INVS: variants seen among roughly 807,000 people sequenced by gnomAD.
INVS encodes the protein inversin, also known as inversion of embryo turning homolog.
A neutral mutation model predicts 108.8 loss-of-function variants in INVS; 86 were observed. The observed-to-expected ratio is 0.79, with a 90% CI of 0.66 to 0.95. The LOEUF (loss-of-function observed/expected upper bound fraction) is 0.95. Among genes scored for constraint, INVS ranks in the 40% least tolerant of loss-of-function variants. INVS has a pLI of 0.00. For synonymous variants in INVS, 455 were observed against 473.5 expected (o/e 0.96, Z 0.51); for missense variants, 1,169 against 1,297.4 (o/e 0.90, Z 1.52).
At chr9:100,205,007 C>T (rs1243651865) in intron 3 of INVS, among the ~76,000 whole-genome samples, 1 of 152,098 alleles carries the variant, frequency 6.6e-6, no homozygotes, top group African/African-American at 2.4e-5. Context: ...CTTAGGAATG[C>T]TTCCTTTCAT....
chr9:100,149,103 G>A (rs1828723245), intron 3 of INVS, among the ~76,000 whole-genome samples: 1 of 150,790 alleles, frequency 6.6e-6, no homozygotes, highest in Non-Finnish European at 1.5e-5. Context: ...GCTTTAGTTA[G>A]TTAAACATTT....
intron 3 of INVS, among the ~76,000 whole-genome samples, chr9:100,141,995 G>T (rs1013131707): frequency 6.6e-6 from 1 of 152,154 alleles, no homozygotes; most frequent in Non-Finnish European, 1.5e-5. Flanking sequence ...AGTGACTGAC[G>T]TGAAGGAGAA....
rs928022377 is a variant in INVS, at chr9:100,153,576, C to T, written c.273+27027C>T. ...AAAACTGTAGGGAAATGAGCATTCA[C>T]ATATCCCTGAAGGAAATGGAAATGG... On this transcript the variant is annotated intron_variant, in intron 3 of 16. Coordinates refer to ENST00000262457, the MANE Select transcript of INVS (RefSeq NM_014425.5). 4.6e-5 allele frequency among the ~76,000 whole-genome samples: 7 copies of T among 152,296 alleles called. No homozygotes were observed. The East Asian group carries it at 9.6e-4, about 21-fold the overall frequency.
chr9:100,221,919 GAT>G (rs1282941079), intron 3 of INVS, among the ~76,000 whole-genome samples: 4 of 151,732 alleles, frequency 2.6e-5, no homozygotes, highest in African/African-American at 9.7e-5. Flanking sequence ...CTTTACCATA[GAT>G]ATGTGTGTAT....
At chr9:100,241,949 G>A (rs1831887230) in intron 6 of INVS, among the ~76,000 whole-genome samples, 2 of 152,004 alleles carry the variant, frequency 1.3e-5, no homozygotes, top group African/African-American at 4.8e-5. Flanking sequence ...TTCACTTGTG[G>A]AGATCACATC....
intron 7 of INVS, among the ~76,000 whole-genome samples, chr9:100,245,496 G>A (rs1245831772): frequency 6.6e-6 from 1 of 152,050 alleles, no homozygotes; most frequent in Non-Finnish European, 1.5e-5. Flanking sequence ...TGGCCAGGAT[G>A]CTGTCAATCT....
chr9:100,161,326 T>C (rs73507822), intron 3 of INVS, among the ~76,000 whole-genome samples: 29,337 of 125,388 alleles, frequency 0.23, 5,176 homozygotes, highest in African/African-American at 0.52. Flanking sequence ...ACCACTGCAC[T>C]CCAGCCCAGC....
chr9:100,155,417 T>A (rs1828944984), intron 3 of INVS, among the ~76,000 whole-genome samples: 1 of 152,082 alleles, frequency 6.6e-6, no homozygotes, highest in Non-Finnish European at 1.5e-5. Flanking sequence ...GCTCACTGCA[T>A]CCTCCACCTC....
chr9:100,211,369 T>C (rs1489195762), intron 3 of INVS, among the ~76,000 whole-genome samples: 1 of 152,134 alleles, frequency 6.6e-6, no homozygotes, highest in Non-Finnish European at 1.5e-5. Context: ...TATAAAAGGC[T>C]CTCCAATGAA....
intron 3 of INVS, among the ~76,000 whole-genome samples, chr9:100,183,354 G>A (rs1194134813): frequency 1.3e-5 from 2 of 152,150 alleles, no homozygotes; most frequent in Non-Finnish European, 2.9e-5. Flanking sequence ...ATAGGCACAT[G>A]CAGACAGTAA....
chr9:100,225,952 G>A lies in INVS; in HGVS notation c.274-110G>A, dbSNP rs56840267. 82,415 of 716,896 alleles carry A rather than the reference G, an allele frequency of 0.11. 7,282 individuals carry two copies. The highest frequency in any genetic ancestry group is 0.38 in the African/African-American group (21,245 of 55,504). The allele number at this position is 716,896 out of a possible 1,614,324, so 44.4% of individuals were successfully genotyped here. A position where few individuals can be genotyped will look rare whatever the true frequency, so the allele number is the denominator to read the frequency against. On this transcript the variant is annotated intron_variant, in intron 3 of 16. Transcript: ENST00000262457. ...GCATTTTTCCTTATTAATTTCTCTG[G>A]ATGTTATTACTCTAGGAGAATAATT...
intron 13 of INVS, 135 bp from the exon 14 acceptor site, chr9:100,292,191 C>T (rs1394680048): frequency 1.1e-5 from 9 of 822,396 alleles, no homozygotes; most frequent in East Asian, 5.2e-5. Flanking sequence ...GAAGTTAAAC[C>T]GTTTTTTTCC....
intron 3 of INVS, among the ~76,000 whole-genome samples, chr9:100,165,149 G>A (rs1465629359): frequency 6.6e-6 from 1 of 151,534 alleles, no homozygotes; most frequent in Admixed American, 6.6e-5. Flanking sequence ...TGTATTTATG[G>A]GGTACATGTA....
intron 3 of INVS, among the ~76,000 whole-genome samples, chr9:100,201,985 T>A (rs1588085094): frequency 6.6e-6 from 1 of 152,232 alleles, no homozygotes; most frequent in East Asian, 1.9e-4. Flanking sequence ...CTGGCCATAG[T>A]GCTTCTCATA....
chr9:100,189,735 TTTTTC>T (rs1830166381), intron 3 of INVS, among the ~76,000 whole-genome samples: 1 of 152,062 alleles, frequency 6.6e-6, no homozygotes. Flanking sequence ...TGTGTATTCT[TTTTTC>T]TTTTATTTAT....
intron 12 of INVS, among the ~76,000 whole-genome samples, chr9:100,276,676 T>C (rs1393899005): frequency 6.6e-6 from 1 of 152,108 alleles, no homozygotes; most frequent in Non-Finnish European, 1.5e-5. Flanking sequence ...GACCAGCTAA[T>C]TTTTGTATTT....
intron 2 of INVS, among the ~76,000 whole-genome samples, chr9:100,118,096 CT>C (rs1168776327): frequency 7.2e-6 from 1 of 139,546 alleles, no homozygotes; most frequent in African/African-American, 2.7e-5. Context: ...GATATGGGGT[CT>C]TGCTATGTTG....
intron 3 of INVS, among the ~76,000 whole-genome samples, chr9:100,136,387 T>G (rs1190610425): frequency 6.6e-6 from 1 of 152,204 alleles, no homozygotes; most frequent in Non-Finnish European, 1.5e-5. Context: ...AACTGTTTTA[T>G]TATATATTCT....
intron 14 of INVS, among the ~76,000 whole-genome samples, chr9:100,293,644 G>A (rs1228374330): frequency 5.9e-5 from 9 of 152,170 alleles, no homozygotes; most frequent in Admixed American, 4.6e-4. Flanking sequence ...TACATAGTAG[G>A]CACTGGGAGT....
Sources: gnomAD v4.1 joint callset for allele counts (sites outside exome capture counted in the v4.1 genomes callset) on GRCh38, gnomAD v4.1.1 for gene constraint, MANE v1.5 for transcripts, NCBI Gene and HGNC (gene_info 2026-07-23, HGNC 2026-07-21) for gene names.